GPM6A: variants seen among roughly 807,000 people sequenced by gnomAD.
GPM6A encodes glycoprotein M6A, also known as neuronal membrane glycoprotein M6-a.
A neutral mutation model predicts 32.1 loss-of-function variants in GPM6A; 7 were observed. The ratio of observed to expected loss-of-function variants is 0.22; its 90% CI spans 0.12 to 0.41. The LOEUF (loss-of-function observed/expected upper bound fraction) is 0.41. GPM6A is among the 10% of genes least tolerant of loss of function. GPM6A has a pLI of 1.00. For synonymous variants in GPM6A, 130 were observed against 123.4 expected (o/e 1.05, Z -0.35); for missense variants, 235 against 347.2 (o/e 0.68, Z 2.57).
rs554853015 is a variant in GPM6A, at chr4:175,873,510, TA to T, written c.-22-61262del. On this transcript the variant is annotated intron_variant, in intron 1 of 7. Coordinates refer to the GPM6A transcript ENST00000280187. ...CAAATCAATGGGAAATATATTTTGATAAAAAACATAGCCAAACTATAAATAG... is the reference window on the plus strand; with the variant it reads ...CAAATCAATGGGAAATATATTTTGATAAAAACATAGCCAAACTATAAATAG... Among the ~76,000 whole-genome samples, 971 of 152,262 alleles carry T rather than the reference TA, an allele frequency of 6.4e-3. 6 individuals carry two copies. The highest frequency in any genetic ancestry group is 0.012 in the South Asian group (56 of 4,832).
In GPM6A at chr4:175,981,569, T is replaced by G. The variant is rs146754211; in HGVS notation, c.-23+20740A>C. Reference sequence around the variant, plus strand: ...ATGTCCTATGTTATTGAGAGTTTCTTCATTCTTTACTGCTGAGTAGAATTC... The same window carrying G: ...ATGTCCTATGTTATTGAGAGTTTCTGCATTCTTTACTGCTGAGTAGAATTC... On this transcript the variant is annotated intron_variant, in intron 1 of 7. Coordinates refer to the GPM6A transcript ENST00000280187. 5.2e-3 allele frequency among the ~76,000 whole-genome samples: 799 copies of G among 152,308 alleles called. 2 individuals carry two copies. Among genetic ancestry groups the G allele is most frequent in the African/African-American group, 0.018 (742 of 41,570 alleles).
intron 1 of GPM6A, among the ~76,000 whole-genome samples, chr4:175,773,383 A>G (rs986152402): frequency 5.3e-5 from 8 of 152,202 alleles, no homozygotes; most frequent in Admixed American, 2.0e-4. Context: ...TTTACAGTAA[A>G]AACAGAAAAT....
chr4:175,758,620 C>T (rs1360581691), intron 1 of GPM6A, among the ~76,000 whole-genome samples: 2 of 151,998 alleles, frequency 1.3e-5, no homozygotes, highest in African/African-American at 4.8e-5. Flanking sequence ...TTTATAGATG[C>T]TAAAAGGAAC....
intron 1 of GPM6A, chr4:175,962,001 G>A: frequency 1.8e-6 from 1 of 567,962 alleles, no homozygotes; most frequent in Non-Finnish European, 3.2e-6. Context: ...ATATTAACAG[G>A]GGAGCACAAC....
intron 1 of GPM6A, among the ~76,000 whole-genome samples, chr4:175,890,457 A>G (rs959494280): frequency 1.3e-5 from 2 of 152,108 alleles, no homozygotes; most frequent in African/African-American, 4.8e-5. Context: ...ACACACAGTC[A>G]AAAAGAAGCA....
intron 1 of GPM6A, among the ~76,000 whole-genome samples, chr4:175,747,928 C>CTAAATTTAAAT (rs1732173788): frequency 6.6e-6 from 1 of 152,150 alleles, no homozygotes; most frequent in Non-Finnish European, 1.5e-5. Flanking sequence ...ACTTTATCAA[C>CTAAATTTAAAT]TAAATTTAAA....
chr4:175,780,270 A>G (rs1206671455), intron 1 of GPM6A, among the ~76,000 whole-genome samples: 1 of 151,664 alleles, frequency 6.6e-6, no homozygotes, highest in Non-Finnish European at 1.5e-5. Flanking sequence ...CTGGTCTGGA[A>G]CTCCTGACCT....
At chr4:175,702,187 A>G (rs1456387725) in intron 1 of GPM6A, among the ~76,000 whole-genome samples, 1 of 152,128 alleles carries the variant, frequency 6.6e-6, no homozygotes, top group Non-Finnish European at 1.5e-5. Context: ...TGTAACAGAT[A>G]TTTTTATTGA....
At chr4:175,762,410 A>C (rs1394307077) in intron 1 of GPM6A, among the ~76,000 whole-genome samples, 1 of 152,184 alleles carries the variant, frequency 6.6e-6, no homozygotes, top group Non-Finnish European at 1.5e-5. Context: ...CATTTAGACT[A>C]GCACTAACAT....
intron 1 of GPM6A, among the ~76,000 whole-genome samples, chr4:175,978,634 A>G (rs563322484): frequency 6.6e-6 from 1 of 152,310 alleles, no homozygotes; most frequent in African/African-American, 2.4e-5. Flanking sequence ...AAAACAAATA[A>G]TATGGCAATA....
chr4:175,703,760 C>G (rs1191542842), intron 1 of GPM6A, among the ~76,000 whole-genome samples: 1 of 152,138 alleles, frequency 6.6e-6, no homozygotes, highest in Non-Finnish European at 1.5e-5. Context: ...CCAGCCACAG[C>G]TGATAAAGGA....
intron 1 of GPM6A, among the ~76,000 whole-genome samples, chr4:175,912,583 A>C (rs1337396306): frequency 6.6e-6 from 1 of 152,136 alleles, no homozygotes. Context: ...TGAACTTGGG[A>C]GGCAGAGGTT....
chr4:175,868,175 T>C (rs1467467293), intron 1 of GPM6A, among the ~76,000 whole-genome samples: 2 of 152,214 alleles, frequency 1.3e-5, no homozygotes, highest in Non-Finnish European at 2.9e-5. Context: ...AACTCCCTGC[T>C]TTCACCTGTC....
chr4:175,885,662 C>T (rs1402586724), intron 1 of GPM6A, among the ~76,000 whole-genome samples: 1 of 152,104 alleles, frequency 6.6e-6, no homozygotes, highest in African/African-American at 2.4e-5. Context: ...ATCTAGTAAT[C>T]CCACTCCTTG....
intron 1 of GPM6A, among the ~76,000 whole-genome samples, chr4:175,899,503 G>A (rs970712908): frequency 1.3e-5 from 2 of 152,120 alleles, no homozygotes; most frequent in Non-Finnish European, 2.9e-5. Flanking sequence ...AAAACAGCAT[G>A]ATACTGGCAT....
intron 1 of GPM6A, among the ~76,000 whole-genome samples, chr4:175,983,990 G>GTC (rs149265312): frequency 0.15 from 21,304 of 146,142 alleles, 1,864 homozygotes; most frequent in South Asian, 0.21. Context: ...TGCTCTCTCT[G>GTC]TCTCTCTCTC....
chr4:175,816,806 T>A (rs1036115550), upstream of GPM6A, among the ~76,000 whole-genome samples: 3 of 152,246 alleles, frequency 2.0e-5, no homozygotes, highest in African/African-American at 7.2e-5. Context: ...CTTTGTCTGC[T>A]GCTTTAAGCT....
chr4:175,896,052 T>C (rs536459196), intron 1 of GPM6A, among the ~76,000 whole-genome samples: 2 of 152,266 alleles, frequency 1.3e-5, no homozygotes, highest in South Asian at 2.1e-4. Flanking sequence ...GCTTTGTAAA[T>C]AAAAAAGCGT....
chr4:175,637,658 AAT>A (rs1415726953), intron 6 of GPM6A, among the ~76,000 whole-genome samples: 2 of 25,740 alleles, frequency 7.8e-5, no homozygotes, highest in African/African-American at 2.0e-4. Context: ...TAAAATATAA[AAT>A]ATATAATATA....
Sources: gnomAD v4.1 joint callset for allele counts (sites outside exome capture counted in the v4.1 genomes callset) on GRCh38, gnomAD v4.1.1 for gene constraint, MANE v1.5 for transcripts, NCBI Gene and HGNC (gene_info 2026-07-23, HGNC 2026-07-21) for gene names.